Variants in ZNF804B observed in about 807,000 individuals in gnomAD.
The protein encoded by ZNF804B is zinc finger 804B.
ZNF804B carries 80 observed loss-of-function variants against 101.4 expected under a neutral mutation model. That is an observed-to-expected ratio of 0.79 (90% CI 0.66 to 0.95). The LOEUF (loss-of-function observed/expected upper bound fraction) is 0.95. Among genes scored for constraint, ZNF804B ranks in the 40% least tolerant of loss-of-function variants. The pLI is 0.00. For synonymous variants in ZNF804B, 622 were observed against 558.8 expected (o/e 1.11, Z -1.59); for missense variants, 1,673 against 1,561.9 (o/e 1.07, Z -1.20).
chr7:89,165,156 G>A (rs1034555636), intron 1 of ZNF804B, among the ~76,000 whole-genome samples: 4 of 151,984 alleles, frequency 2.6e-5, no homozygotes, highest in African/African-American at 9.7e-5. Context: ...CAACTGTATG[G>A]CTAAAAAAAG....
chr7:88,855,005 G>T lies in ZNF804B; in HGVS notation c.108+94921G>T, dbSNP rs556927796. 1.4e-4 allele frequency among the ~76,000 whole-genome samples: 22 copies of T among 151,732 alleles called. No individual in the cohort carries two copies. The South Asian group carries it at 1.5e-3, about 10-fold the overall frequency. On this transcript the variant is annotated intron_variant, in intron 1 of 3. Coordinates refer to ENST00000333190, the MANE Select transcript of ZNF804B (RefSeq NM_181646.5). ...ACATTTTCTTAATCCAGTCTATCAT[G>T]GTTGGACATTTGGGTTGGTTCCAAG...
chr7:89,189,843 G>A (rs1391950330), intron 1 of ZNF804B, among the ~76,000 whole-genome samples: 4 of 151,984 alleles, frequency 2.6e-5, no homozygotes, highest in Admixed American at 6.6e-5. Flanking sequence ...CCACTCTGTA[G>A]CCTATGTAAT....
chr7:89,212,882 T>G (rs1247544684), intron 1 of ZNF804B, among the ~76,000 whole-genome samples: 1 of 152,160 alleles, frequency 6.6e-6, no homozygotes, highest in Non-Finnish European at 1.5e-5. Context: ...CATAGTTAGG[T>G]TTCCTACAGT....
chr7:89,271,538 G>A (rs1458390612), intron 2 of ZNF804B, among the ~76,000 whole-genome samples: 1 of 151,910 alleles, frequency 6.6e-6, no homozygotes, highest in Non-Finnish European at 1.5e-5. Context: ...TTTTTTTGTT[G>A]TTGTGTCTCT....
chr7:89,174,537 G>A (rs1791289345), intron 1 of ZNF804B, among the ~76,000 whole-genome samples: 1 of 151,890 alleles, frequency 6.6e-6, no homozygotes, highest in Non-Finnish European at 1.5e-5. Context: ...TGCTTACTGT[G>A]AATAGTGCTG....
At chr7:88,792,834 A>G (rs1422074042) in intron 1 of ZNF804B, among the ~76,000 whole-genome samples, 1 of 152,096 alleles carries the variant, frequency 6.6e-6, no homozygotes, top group East Asian at 1.9e-4. Flanking sequence ...CATTCTAATT[A>G]ATGAAGTATT....
intron 1 of ZNF804B, among the ~76,000 whole-genome samples, chr7:89,130,620 A>G (rs1169471632): frequency 6.6e-6 from 1 of 151,990 alleles, no homozygotes; most frequent in Non-Finnish European, 1.5e-5. Context: ...ACGAGAGAAG[A>G]CACATCTCCA....
intron 2 of ZNF804B, among the ~76,000 whole-genome samples, chr7:89,295,994 C>T (rs1790376239): frequency 6.6e-6 from 1 of 151,878 alleles, no homozygotes; most frequent in East Asian, 1.9e-4. Flanking sequence ...TTTAGAGACT[C>T]GGAAGGAGTA....
intron 1 of ZNF804B, among the ~76,000 whole-genome samples, chr7:88,889,787 C>T (rs1462084707): frequency 6.6e-6 from 1 of 152,160 alleles, no homozygotes; most frequent in East Asian, 1.9e-4. Flanking sequence ...TTAATTAAGT[C>T]TCACTTGTCG....
chr7:89,290,754 T>A (rs976141096), intron 2 of ZNF804B, among the ~76,000 whole-genome samples: 2 of 152,182 alleles, frequency 1.3e-5, no homozygotes, highest in African/African-American at 4.8e-5. Context: ...GACCAGTCCC[T>A]GGCTCCTGGA....
At chr7:89,044,239 T>C (rs1233897334) in intron 1 of ZNF804B, among the ~76,000 whole-genome samples, 4 of 152,214 alleles carry the variant, frequency 2.6e-5, no homozygotes, top group African/African-American at 4.8e-5. Context: ...TGCCATCATG[T>C]GAAGAAGGAT....
intron 1 of ZNF804B, among the ~76,000 whole-genome samples, chr7:89,188,572 A>T (rs1423359401): frequency 1.3e-5 from 2 of 152,178 alleles, no homozygotes. Flanking sequence ...AAGCGTGGCC[A>T]CTTGAATCAA....
chr7:88,947,811 A>G (rs934481080), intron 1 of ZNF804B, among the ~76,000 whole-genome samples: 9 of 151,458 alleles, frequency 5.9e-5, no homozygotes, highest in African/African-American at 2.2e-4. Flanking sequence ...AGCATTTCAG[A>G]TAAGGAGTAC....
intron 2 of ZNF804B, among the ~76,000 whole-genome samples, chr7:89,287,150 A>G (rs1347816157): frequency 6.6e-6 from 1 of 152,164 alleles, no homozygotes; most frequent in African/African-American, 2.4e-5. Flanking sequence ...TATATATGAC[A>G]TACAAAATAT....
intron 1 of ZNF804B, among the ~76,000 whole-genome samples, chr7:89,201,496 G>C (rs930911501): frequency 1.3e-5 from 2 of 151,872 alleles, no homozygotes; most frequent in African/African-American, 4.8e-5. Context: ...TGGTTGATTG[G>C]TCCACCAAAA....
chr7:88,996,118 T>C (rs1218721600), intron 1 of ZNF804B, among the ~76,000 whole-genome samples: 2 of 152,014 alleles, frequency 1.3e-5, no homozygotes, highest in Non-Finnish European at 2.9e-5. Context: ...CAGTAGATAA[T>C]TTGTATATCA....
chr7:89,177,067 C>T (rs548541185), intron 1 of ZNF804B, among the ~76,000 whole-genome samples: 2 of 151,974 alleles, frequency 1.3e-5, no homozygotes, highest in South Asian at 2.1e-4. Context: ...TTTTGCTTAT[C>T]TTTTCAAGAA....
At chr7:88,928,316 C>T (rs868724696) in intron 1 of ZNF804B, among the ~76,000 whole-genome samples, 5 of 152,118 alleles carry the variant, frequency 3.3e-5, no homozygotes, top group African/African-American at 1.2e-4. Flanking sequence ...TCCACCTGAG[C>T]TCTAATTAGG....
At chr7:89,208,081 G>GTTTTTTTTTTTTTTTTTTTTT (rs201597943) in intron 1 of ZNF804B, among the ~76,000 whole-genome samples, 2 of 135,422 alleles carry the variant, frequency 1.5e-5, no homozygotes, top group Non-Finnish European at 1.6e-5. Flanking sequence ...TATTTTATTG[G>GTTTTTTTTTTTTTTTTTTTTT]GTTTTTTTTT....
Sources: gnomAD v4.1 joint callset for allele counts (sites outside exome capture counted in the v4.1 genomes callset) on GRCh38, gnomAD v4.1.1 for gene constraint, MANE v1.5 for transcripts, NCBI Gene and HGNC (gene_info 2026-07-23, HGNC 2026-07-21) for gene names.